The following PPM1D variants were observed in gnomAD, a reference collection of about 807,000 sequenced individuals.
PPM1D encodes protein phosphatase 1D.
PPM1D carries 52 observed loss-of-function variants against 58.3 expected under a neutral mutation model. The observed-to-expected ratio is 0.89, with a 90% CI of 0.71 to 1.12. The LOEUF (loss-of-function observed/expected upper bound fraction) is 1.12. Ranked by LOEUF, PPM1D falls within the 50% of genes most tolerant of loss-of-function variation. PPM1D has a pLI of 0.00. For missense variants in PPM1D, 564 were observed against 777.2 expected, an observed-to-expected ratio of 0.73 and a Z score of 3.26; for synonymous variants, 278 against 285.1, an observed-to-expected ratio of 0.98 and a Z score of 0.25.
chr17:60,606,520 T>C (rs2030332801), intron 1 of PPM1D, among the ~76,000 whole-genome samples: 1 of 152,172 alleles, frequency 6.6e-6, no homozygotes. Flanking sequence ...CAGCAAGGTA[T>C]GAAGGCTTCA....
intron 1 of PPM1D, among the ~76,000 whole-genome samples, chr17:60,619,251 G>A (rs566691402): frequency 5.2e-4 from 77 of 149,126 alleles, no homozygotes; most frequent in Non-Finnish European, 9.6e-4. Flanking sequence ...ATATTCCATT[G>A]TGTATACATA....
chr17:60,626,108 A>AT (rs962499725), intron 2 of PPM1D, among the ~76,000 whole-genome samples: 2 of 151,556 alleles, frequency 1.3e-5, no homozygotes, highest in African/African-American at 2.4e-5. Context: ...TTTATTTCTA[A>AT]TTTTTTTTTG....
Position 60,663,561 on chromosome 17 carries a change from T to G in PPM1D, c.*9T>G. ...CTGTTTGTGTTTGCTGAAATGCATCTGGGAAATGAGGTTTTTCCAAACTTA... is the reference window on the plus strand; with the variant it reads ...CTGTTTGTGTTTGCTGAAATGCATCGGGGAAATGAGGTTTTTCCAAACTTA... On this transcript the variant is annotated 3_prime_UTR_variant, in exon 6 of 6. Transcript: ENST00000305921. The G allele has an allele frequency of 6.3e-7, 1 of 1,599,024 alleles. No individual in the cohort carries two copies. The highest frequency in any genetic ancestry group is 8.5e-7 in the Non-Finnish European group (1 of 1,175,738).
intron 3 of PPM1D, among the ~76,000 whole-genome samples, chr17:60,638,541 G>A (rs1371485141): frequency 6.6e-6 from 1 of 151,938 alleles, no homozygotes. Context: ...GCTGATTTTT[G>A]TATTTTTAGT....
intron 1 of PPM1D, among the ~76,000 whole-genome samples, chr17:60,601,349 A>G (rs2030207346): frequency 6.6e-6 from 1 of 152,198 alleles, no homozygotes. Flanking sequence ...TCAGTTCTCC[A>G]GATTGACCCG....
At chr17:60,643,312 C>T (rs550072815) in intron 3 of PPM1D, among the ~76,000 whole-genome samples, 1 of 151,932 alleles carries the variant, frequency 6.6e-6, no homozygotes, top group Non-Finnish European at 1.5e-5. Context: ...GCCTGGGAGG[C>T]GCAGGTTGCA....
At chr17:60,643,815 G>A (rs183773060) in intron 3 of PPM1D, among the ~76,000 whole-genome samples, 1 of 151,616 alleles carries the variant, frequency 6.6e-6, no homozygotes, top group Non-Finnish European at 1.5e-5. Flanking sequence ...TGTAGAGCAC[G>A]AGAACAAGAG....
chr17:60,624,270 A>G (rs779137380), intron 2 of PPM1D, among the ~76,000 whole-genome samples: 27 of 152,344 alleles, frequency 1.8e-4, no homozygotes, highest in African/African-American at 3.6e-4. Flanking sequence ...CTTAAATGAA[A>G]GATTATTCTA....
intron 3 of PPM1D, among the ~76,000 whole-genome samples, chr17:60,634,360 G>A (rs2030983325): frequency 1.3e-5 from 2 of 151,962 alleles, no homozygotes; most frequent in African/African-American, 4.8e-5. Flanking sequence ...TGCAGTGATC[G>A]CATCACTGCA....
intron 3 of PPM1D, among the ~76,000 whole-genome samples, chr17:60,635,092 A>T (rs1256772881): frequency 6.6e-6 from 1 of 151,956 alleles, no homozygotes; most frequent in Admixed American, 6.6e-5. Flanking sequence ...ATATATTAAT[A>T]ATTTGTTTCC....
rs1032717612 is a variant in PPM1D, at chr17:60,666,145, G to T, written c.*2593G>T. On this transcript the variant is annotated 3_prime_UTR_variant, in exon 6 of 6. Transcript: ENST00000305921. ...GCGTGTATAACATTGTTTTAGTAGG[G>T]TGTGCAATAGTTATGTTTTGGTAAT... is the stretch of plus-strand genomic sequence containing the variant. The T allele has an allele frequency of 6.6e-6, 1 of 152,084 alleles. No individual in the cohort carries two copies. The highest frequency in any genetic ancestry group is 6.6e-5 in the Admixed American group (1 of 15,254). The allele number at this position is 152,084 out of a possible 1,614,324, so 9.4% of individuals were successfully genotyped here. A position where few individuals can be genotyped will look rare whatever the true frequency, so the allele number is the denominator to read the frequency against.
intron 3 of PPM1D, among the ~76,000 whole-genome samples, chr17:60,647,137 G>A (rs571476964): frequency 7.2e-5 from 11 of 152,252 alleles, no homozygotes; most frequent in Admixed American, 3.3e-4. Flanking sequence ...TGGGATTTTG[G>A]TTAGAATTAC....
At chr17:60,620,600 C>T (rs909826732) in intron 1 of PPM1D, among the ~76,000 whole-genome samples, 4 of 152,028 alleles carry the variant, frequency 2.6e-5, no homozygotes, top group African/African-American at 7.3e-5. Context: ...GATCTCAGCT[C>T]GCTGCAATCT....
chr17:60,609,862 T>A (rs2143628260), intron 1 of PPM1D, among the ~76,000 whole-genome samples: 1 of 152,278 alleles, frequency 6.6e-6, no homozygotes, highest in South Asian at 2.1e-4. Flanking sequence ...TGTGCCTAAT[T>A]TATAAATTAC....
Position 60,623,702 on chromosome 17 carries a change from G to A in PPM1D, c.654G>A (p.Lys218=). 1 of 1,614,214 alleles carries A rather than the reference G, an allele frequency of 6.2e-7. No homozygotes were observed. Among genetic ancestry groups the A allele is most frequent in the Non-Finnish European group, 8.5e-7 (1 of 1,180,036 alleles). Residue 218 remains lysine (K), a synonymous_variant, in exon 2 of 6, where the codon AAG becomes AAA. Coordinates refer to ENST00000305921, the MANE Select transcript of PPM1D (RefSeq NM_003620.4). ...VRAVEVTQDH[K]PELPKERERI... is the part of the protein sequence containing the mutation. ...CTGTGGAGGTGACACAGGACCATAA[G>A]CCAGAACTTCCCAAGGAAAGAGAAC...
chr17:60,626,065 CATTT>C (rs906880616), intron 2 of PPM1D, among the ~76,000 whole-genome samples: 2 of 152,040 alleles, frequency 1.3e-5, no homozygotes, highest in African/African-American at 4.8e-5. Context: ...GATGTACCGT[CATTT>C]ATTTTAATCA....
intron 1 of PPM1D, among the ~76,000 whole-genome samples, chr17:60,615,389 G>A (rs1019235114): frequency 1.3e-5 from 2 of 151,934 alleles, no homozygotes; most frequent in Non-Finnish European, 2.9e-5. Context: ...CAGCCCGGGT[G>A]ACAGAGTGAG....
At chr17:60,638,488 T>C (rs181241888) in intron 3 of PPM1D, among the ~76,000 whole-genome samples, 2 of 152,052 alleles carry the variant, frequency 1.3e-5, no homozygotes, top group African/African-American at 4.8e-5. Flanking sequence ...TCTGCCTCAG[T>C]CTTCCAAGTA....
intron 3 of PPM1D, among the ~76,000 whole-genome samples, chr17:60,640,468 G>A (rs977772343): frequency 1.1e-4 from 17 of 152,120 alleles, no homozygotes; most frequent in Non-Finnish European, 2.4e-4. Flanking sequence ...TTGATGTTAC[G>A]TACGGTTACA....
Sources: gnomAD v4.1 joint callset for allele counts (sites outside exome capture counted in the v4.1 genomes callset) on GRCh38, gnomAD v4.1.1 for gene constraint, MANE v1.5 for transcripts, NCBI Gene and HGNC (gene_info 2026-07-23, HGNC 2026-07-21) for gene names.